Variants in SGCZ observed in about 807,000 individuals in gnomAD.
SGCZ encodes zeta-sarcoglycan.
Under a neutral mutation model 41.3 loss-of-function variants are expected in SGCZ, and 40 were observed. The observed-to-expected ratio is 0.97, with a 90% confidence interval of 0.75 to 1.26. The LOEUF (loss-of-function observed/expected upper bound fraction) is 1.26. Ranked by LOEUF, SGCZ falls within the 50% of genes most tolerant of loss-of-function variation. SGCZ has a pLI of 0.00. For missense variants in SGCZ, 552 were observed against 369.8 expected (o/e 1.49, Z -4.04); for synonymous variants, 206 against 137.5 (o/e 1.50, Z -3.49).
intron 1 of SGCZ, among the ~76,000 whole-genome samples, chr8:15,000,962 T>C (rs1166183816): frequency 6.6e-6 from 1 of 152,166 alleles, no homozygotes; most frequent in African/African-American, 2.4e-5. Flanking sequence ...TCCCAGAGTG[T>C]ATACTCAAGA....
chr8:14,873,854 A>G (rs1267635561), intron 1 of SGCZ, among the ~76,000 whole-genome samples: 1 of 152,166 alleles, frequency 6.6e-6, no homozygotes, highest in Non-Finnish European at 1.5e-5. Context: ...ATTTTAGAAG[A>G]TTGATTTCTC....
At chr8:14,642,168 C>T (rs578202879) in intron 1 of SGCZ, among the ~76,000 whole-genome samples, 84 of 151,690 alleles carry the variant, frequency 5.5e-4, no homozygotes, top group African/African-American at 1.9e-3. Context: ...AATGAGACAA[C>T]TAACGTGAAT....
intron 2 of SGCZ, among the ~76,000 whole-genome samples, chr8:14,330,877 C>T (rs994561896): frequency 2.6e-5 from 4 of 151,798 alleles, no homozygotes; most frequent in African/African-American, 9.7e-5. Flanking sequence ...TGATTTATCA[C>T]TAAAAAAGCT....
chr8:14,246,952 A>G (rs1388009187), intron 3 of SGCZ, among the ~76,000 whole-genome samples: 2 of 151,638 alleles, frequency 1.3e-5, no homozygotes, highest in African/African-American at 2.4e-5. Flanking sequence ...TATATTTGAA[A>G]TTCATTTCCT....
chr8:14,470,256 G>A (rs956896638), intron 2 of SGCZ, among the ~76,000 whole-genome samples: 41 of 152,068 alleles, frequency 2.7e-4, no homozygotes, highest in African/African-American at 9.9e-4. Context: ...AAAAAATGCT[G>A]AGTTTTGTTT....
chr8:14,988,169 G>C (rs1351936570), intron 1 of SGCZ, among the ~76,000 whole-genome samples: 1 of 151,728 alleles, frequency 6.6e-6, no homozygotes, highest in Non-Finnish European at 1.5e-5. Context: ...GAAAAATACA[G>C]TATCTGTGAT....
At chr8:14,488,615 C>A (rs1183144197) in intron 2 of SGCZ, among the ~76,000 whole-genome samples, 2 of 152,204 alleles carry the variant, frequency 1.3e-5, no homozygotes, top group East Asian at 3.9e-4. Context: ...GTGCCCCAAT[C>A]TTTCCATCGC....
chr8:14,190,604 T>A (rs1805068546), intron 4 of SGCZ, among the ~76,000 whole-genome samples: 1 of 151,928 alleles, frequency 6.6e-6, no homozygotes, highest in Admixed American at 6.6e-5. Flanking sequence ...TCTCTTAATT[T>A]CTTTTTTTGT....
intron 2 of SGCZ, among the ~76,000 whole-genome samples, chr8:14,387,706 G>C (rs143944438): frequency 6.6e-6 from 1 of 151,924 alleles, no homozygotes; most frequent in East Asian, 1.9e-4. Flanking sequence ...AGCACAAAAA[G>C]TACATTAATC....
chr8:14,764,657 C>T (rs1799987724), intron 1 of SGCZ, among the ~76,000 whole-genome samples: 1 of 152,066 alleles, frequency 6.6e-6, no homozygotes, highest in Admixed American at 6.5e-5. Flanking sequence ...GAGGGGTCAT[C>T]GCTCTAGATT....
chr8:15,203,043 G>A (rs920792233), intron 1 of SGCZ, among the ~76,000 whole-genome samples: 5 of 151,958 alleles, frequency 3.3e-5, no homozygotes, highest in Non-Finnish European at 5.9e-5. Context: ...CTGGGAGGTG[G>A]AAGTTGAAGT....
chr8:14,771,795 C>T (rs1171059788), intron 1 of SGCZ, among the ~76,000 whole-genome samples: 2 of 151,992 alleles, frequency 1.3e-5, no homozygotes, highest in African/African-American at 4.8e-5. Flanking sequence ...CCCAAAGATA[C>T]ATTAATGATA....
At position 14,579,074 on chromosome 8, in the gene SGCZ, T is replaced by A. The variant is rs151006396; in HGVS notation, c.40-24148A>T. ...TTATTTGCACAAAGTAAGCTCAAAG[T>A]AAATGTTTAAATAATTAATTTTGGG... On this transcript the variant is annotated intron_variant, in intron 1 of 7. Coordinates refer to ENST00000382080, the MANE Select transcript of SGCZ (RefSeq NM_139167.4). 6.0e-3 allele frequency among the ~76,000 whole-genome samples: 909 copies of A among 152,250 alleles called. 11 individuals carry two copies. Among genetic ancestry groups the A allele is most frequent in the African/African-American group, 0.021 (863 of 41,576 alleles).
chr8:14,304,160 G>A (rs765184685), intron 3 of SGCZ, among the ~76,000 whole-genome samples: 1 of 152,094 alleles, frequency 6.6e-6, no homozygotes, highest in Non-Finnish European at 1.5e-5. Flanking sequence ...GAAAATATAG[G>A]TGCTGGATGT....
intron 4 of SGCZ, among the ~76,000 whole-genome samples, chr8:14,196,785 C>T (rs920684976): frequency 6.6e-6 from 1 of 152,148 alleles, no homozygotes; most frequent in Admixed American, 6.5e-5. Flanking sequence ...GCCGCCAAAA[C>T]TATACAAGTT....
intron 1 of SGCZ, among the ~76,000 whole-genome samples, chr8:15,223,781 A>T (rs560280193): frequency 1.3e-5 from 2 of 152,204 alleles, no homozygotes; most frequent in Admixed American, 6.5e-5. Flanking sequence ...ATATGTATTT[A>T]AAAAACGAGA....
intron 2 of SGCZ, among the ~76,000 whole-genome samples, chr8:14,529,305 A>C (rs2117120613): frequency 6.6e-6 from 1 of 152,242 alleles, no homozygotes; most frequent in African/African-American, 2.4e-5. Flanking sequence ...ATTCCAGCAC[A>C]CCTGCTTGAC....
At chr8:14,260,246 A>G (rs1395816837) in intron 3 of SGCZ, among the ~76,000 whole-genome samples, 2 of 152,074 alleles carry the variant, frequency 1.3e-5, no homozygotes, top group Non-Finnish European at 2.9e-5. Context: ...AAACAAATTT[A>G]CAAGCAAAAA....
intron 1 of SGCZ, among the ~76,000 whole-genome samples, chr8:14,800,095 T>C (rs1423504774): frequency 6.6e-6 from 1 of 152,186 alleles, no homozygotes; most frequent in Non-Finnish European, 1.5e-5. Flanking sequence ...TCTTCAGGAT[T>C]AAATCTCACC....
Sources: allele counts gnomAD v4.1 joint callset (sites outside exome capture counted in the v4.1 genomes callset), GRCh38; gene constraint gnomAD v4.1.1; transcripts MANE v1.5; gene names NCBI Gene and HGNC (gene_info 2026-07-23, HGNC 2026-07-21).